FBXO7: variants seen among roughly 807,000 people sequenced by gnomAD.
FBXO7 encodes F-box only protein 7.
Under a neutral mutation model 50.2 loss-of-function variants are expected in FBXO7, and 31 were observed. That is an observed-to-expected ratio of 0.62 (90% CI 0.46 to 0.83). The LOEUF (loss-of-function observed/expected upper bound fraction) is 0.83. Among genes scored for constraint, FBXO7 ranks in the 40% least tolerant of loss-of-function variants. The probability of loss-of-function intolerance (pLI) is 0.00; values close to 1 mark genes in which losing one functional copy is unlikely to be tolerated. For synonymous variants in FBXO7, 256 were observed against 253.1 expected (o/e 1.01, Z -0.11); for missense variants, 667 against 646.6 (o/e 1.03, Z -0.34).
rs2057550667 is a variant in FBXO7 at position 32,493,292 on chromosome 22, T to C, written c.1144+11T>C. 1.2e-6 allele frequency: 2 copies of C among 1,611,228 alleles called. No homozygotes were observed. Among genetic ancestry groups the C allele is most frequent in the African/African-American group, 1.3e-5 (1 of 74,840 alleles). Reference sequence around the variant, plus strand: ...TGCGTGATTTTCGAGGTGATTTCCGTAATGACATATTCACAAGAAAGGGCT... The same window carrying C: ...TGCGTGATTTTCGAGGTGATTTCCGCAATGACATATTCACAAGAAAGGGCT... On this transcript the variant is annotated intron_variant, in intron 7 of 8. Coordinates refer to ENST00000266087, the MANE Select transcript of FBXO7 (RefSeq NM_012179.4).
At chr22:32,477,237 T>C (rs1400573973) in intron 1 of FBXO7, among the ~76,000 whole-genome samples, 1 of 152,174 alleles carries the variant, frequency 6.6e-6, no homozygotes, top group Non-Finnish European at 1.5e-5. Context: ...TAAGAAAAAA[T>C]ATATTTACGA....
chr22:32,487,891 C>A, intron 5 of FBXO7, 63 bp downstream of exon 5: 1 of 1,024,200 alleles, frequency 9.8e-7, no homozygotes, highest in Non-Finnish European at 1.5e-6. Context: ...AGAAAAAAAT[C>A]TGAAAGATAA....
rs145941103 is a variant in FBXO7 at position 32,491,510 on chromosome 22, A to G, written c.967+329A>G. ...GGTCTAGCATGAGGTCAGGTACATA[A>G]TAGATGCTCTTTCTCTCTGTGTAGA... On this transcript the variant is annotated intron_variant, in intron 6 of 8. Transcript: ENST00000266087. 401 of 263,386 alleles carry G rather than the reference A, an allele frequency of 1.5e-3. 2 individuals are homozygous for G. Among genetic ancestry groups the G allele is most frequent in the African/African-American group, 8.8e-3 (385 of 43,504 alleles). The allele number at this position is 263,386 out of a possible 1,614,324, so 16.3% of individuals were successfully genotyped here.
Position 32,491,087 on chromosome 22 carries a change from G to T in FBXO7, c.873G>T (p.Gly291=). The change falls in exon 6 of 9, where the codon GGG becomes GGT. Residue 291 remains glycine, a splice_region_variant and synonymous_variant. Transcript: ENST00000266087. The stretch of plus-strand genomic sequence containing the variant: ...ATTTTACTTTAAAAAATATTCTAGG[G>T]GAAAATGTAGCCAACATATACAAAG... The part of the protein sequence containing the change: ...PESFICKEKL[G]ENVANIYKDL... 1 of 1,609,690 alleles carries T rather than the reference G, an allele frequency of 6.2e-7. No individual in the cohort carries two copies. Among genetic ancestry groups the T allele is most frequent in the Non-Finnish European group, 8.5e-7 (1 of 1,176,312 alleles).
intron 2 of FBXO7, among the ~76,000 whole-genome samples, chr22:32,481,657 G>A (rs995089028): frequency 6.6e-6 from 1 of 152,140 alleles, no homozygotes. Flanking sequence ...AAATAGATGC[G>A]TAAAACTTGA....
intron 1 of FBXO7, 53 bp from the exon 2 acceptor site, chr22:32,478,928 G>C (rs985897741): frequency 5.4e-6 from 8 of 1,489,590 alleles, no homozygotes; most frequent in Non-Finnish European, 7.5e-6. Context: ...ATGTGCTATT[G>C]AAGGTATTAG....
intron 6 of FBXO7, chr22:32,491,433 AG>A (rs1416246720): frequency 1.2e-5 from 5 of 422,310 alleles, no homozygotes; most frequent in African/African-American, 8.2e-5. Context: ...TTTCCACCTA[AG>A]GTTGGGAATA....
intron 8 of FBXO7, among the ~76,000 whole-genome samples, chr22:32,495,887 G>T (rs897989036): frequency 2.2e-4 from 34 of 152,168 alleles, no homozygotes; most frequent in Non-Finnish European, 5.9e-5. Context: ...CTATTCTAAT[G>T]TCTCTATAAC....
chr22:32,475,658 A>C, intron 1 of FBXO7: 1 of 494,520 alleles, frequency 2.0e-6, no homozygotes, highest in South Asian at 3.0e-5. Flanking sequence ...AGCGGCAACA[A>C]TTTTAGATTC....
chr22:32,478,385 T>C lies in FBXO7; in HGVS notation c.123-596T>C, dbSNP rs181973784. ...AAAATGCTGTCAATTGATATGTCAT[T>C]GATTTTAGGAAGTATCTTAATTTCA... On this transcript the variant is annotated intron_variant, in intron 1 of 8. Coordinates refer to ENST00000266087, the MANE Select transcript of FBXO7 (RefSeq NM_012179.4). Among the ~76,000 whole-genome samples, 6 of 152,338 alleles carry C rather than the reference T, an allele frequency of 3.9e-5. No homozygotes were observed. In the East Asian group the frequency reaches 9.6e-4, roughly 24 times the overall value.
chr22:32,474,945 C>T lies in FBXO7; in HGVS notation c.-58C>T, dbSNP rs1156968364. 4 of 1,486,322 alleles carry T rather than the reference C, an allele frequency of 2.7e-6. No individual in the cohort carries two copies. Among genetic ancestry groups the T allele is most frequent in the East Asian group, 2.6e-5 (1 of 38,626 alleles). The allele number at this position is 1,486,322 out of a possible 1,614,324, so 92.1% of individuals were successfully genotyped here. On this transcript the variant is annotated 5_prime_UTR_variant, in exon 1 of 9. Transcript: ENST00000266087. ...GTTTGGGGCGGGAGCTGCTCGGCCCCGCCGCCGTCCCCGTCGCCGCTTCCG... is the reference window on the plus strand; with the variant it reads ...GTTTGGGGCGGGAGCTGCTCGGCCCTGCCGCCGTCCCCGTCGCCGCTTCCG...
chr22:32,492,991 A>T, intron 6 of FBXO7, 114 bp from the exon 7 acceptor site: 1 of 994,326 alleles, frequency 1.0e-6, no homozygotes, highest in South Asian at 1.3e-5. Flanking sequence ...TAAGAGTACC[A>T]TCTAATTTTC....
intron 1 of FBXO7, chr22:32,475,350 C>G (rs748175258): frequency 8.7e-6 from 14 of 1,609,008 alleles, no homozygotes; most frequent in Non-Finnish European, 1.2e-5. Context: ...TGGGGTCCGG[C>G]TCCTGGAGAA....
intron 5 of FBXO7, 95 bp from the exon 6 acceptor site, chr22:32,490,991 A>G: frequency 1.2e-6 from 1 of 842,216 alleles, no homozygotes; most frequent in Non-Finnish European, 2.0e-6. Flanking sequence ...TTATTTGTGA[A>G]TATTTATTCA....
intron 1 of FBXO7, 100 bp downstream of exon 1, chr22:32,475,224 T>C (rs1436119821): frequency 6.6e-7 from 1 of 1,513,420 alleles, no homozygotes. Context: ...GGCGCGGGCG[T>C]GGCCGGGCGA....
intron 2 of FBXO7, among the ~76,000 whole-genome samples, chr22:32,480,264 C>A (rs1318337321): frequency 6.6e-6 from 1 of 152,102 alleles, no homozygotes; most frequent in Non-Finnish European, 1.5e-5. Flanking sequence ...CTAGTTCAAC[C>A]CTGTCATTTT....
At chr22:32,489,741 T>C (rs959587718) in intron 5 of FBXO7, 1 of 152,206 alleles carries the variant, frequency 6.6e-6, no homozygotes, top group African/African-American at 2.4e-5. Context: ...TTATGGACTG[T>C]TATAATGAAG....
In FBXO7 at chr22:32,498,648, C is replaced by T; in HGVS notation, c.*118C>T. 1.6e-6 allele frequency: 2 copies of T among 1,219,794 alleles called. No individual in the cohort carries two copies. The highest frequency in any genetic ancestry group is 2.6e-4 in the Middle Eastern group (1 of 3,828). 75.6% of individuals were successfully genotyped at this position (1,219,794 alleles called of 1,614,324 possible). Reference sequence around the variant, plus strand: ...TCTGATTGTGGTGTTGAGAGTTGCACTCCCAGAAACCTTTTAAGAGATACA... The same window carrying T: ...TCTGATTGTGGTGTTGAGAGTTGCATTCCCAGAAACCTTTTAAGAGATACA... On this transcript the variant is annotated 3_prime_UTR_variant, in exon 9 of 9. Coordinates refer to ENST00000266087, the MANE Select transcript of FBXO7 (RefSeq NM_012179.4).
chr22:32,491,474 T>C (rs557066536), intron 6 of FBXO7: 13 of 326,428 alleles, frequency 4.0e-5, no homozygotes, highest in Admixed American at 2.4e-4. Context: ...ATCTTACTTT[T>C]GTATTCTTGT....
Sources: gnomAD v4.1 joint callset for allele counts (sites outside exome capture counted in the v4.1 genomes callset) on GRCh38, gnomAD v4.1.1 for gene constraint, MANE v1.5 for transcripts, NCBI Gene and HGNC (gene_info 2026-07-23, HGNC 2026-07-21) for gene names.